Variants in MCTP2 observed in about 807,000 individuals in gnomAD.
The protein encoded by MCTP2 is multiple C2 and transmembrane domain containing 2, also known as multiple C2 and transmembrane domain-containing protein 2.
MCTP2 carries 132 observed loss-of-function variants against 111.6 expected under a neutral mutation model. The observed-to-expected ratio is 1.18, with a 90% CI of 1.03 to 1.37. MCTP2 has a LOEUF of 1.37. Ranked by LOEUF, MCTP2 falls within the 40% of genes most tolerant of loss-of-function variation. The pLI is 0.00. For missense variants in MCTP2, 1,183 were observed against 1,067.9 expected (o/e 1.11, Z -1.50); for synonymous variants, 395 against 387.7 (o/e 1.02, Z -0.22).
intron 20 of MCTP2, among the ~76,000 whole-genome samples, chr15:94,469,172 T>C (rs910038347): frequency 2.6e-5 from 4 of 152,074 alleles, no homozygotes; most frequent in African/African-American, 9.6e-5. Flanking sequence ...AAAAACATTC[T>C]ACCTTTCTGT....
chr15:94,242,261 G>A (rs2071023773), intron 1 of MCTP2, among the ~76,000 whole-genome samples: 1 of 152,066 alleles, frequency 6.6e-6, no homozygotes. Flanking sequence ...TGACATCTCT[G>A]GAACTCAGTT....
At chr15:94,422,189 A>C (rs1402847915) in intron 17 of MCTP2, among the ~76,000 whole-genome samples, 1 of 152,124 alleles carries the variant, frequency 6.6e-6, no homozygotes, top group Non-Finnish European at 1.5e-5. Flanking sequence ...GTCTGGGAGG[A>C]AGCTGTGTAC....
intron 4 of MCTP2, among the ~76,000 whole-genome samples, chr15:94,337,606 T>C (rs975327645): frequency 6.7e-6 from 1 of 149,848 alleles, no homozygotes; most frequent in African/African-American, 2.5e-5. Flanking sequence ...AGTGAGCATT[T>C]CACTGAATGG....
chr15:94,438,941 A>C (rs1440726829), intron 17 of MCTP2, among the ~76,000 whole-genome samples: 1 of 152,180 alleles, frequency 6.6e-6, no homozygotes, highest in Non-Finnish European at 1.5e-5. Flanking sequence ...CAAGCAGGAA[A>C]AAAATTACAA....
intron 1 of MCTP2, 51 bp from the exon 2 acceptor site, chr15:94,298,150 T>C (rs2075360254): frequency 2.6e-6 from 2 of 766,794 alleles, no homozygotes; most frequent in Non-Finnish European, 4.1e-6. Flanking sequence ...AGAAGGTTCA[T>C]GTTTTTTTTT....
intron 1 of MCTP2, among the ~76,000 whole-genome samples, chr15:94,297,736 T>C (rs890368823): frequency 2.0e-5 from 3 of 152,230 alleles, no homozygotes; most frequent in Non-Finnish European, 4.4e-5. Context: ...ACAGACACCA[T>C]CTGGCCCACC....
At chr15:94,435,081 T>C (rs1380214336) in intron 17 of MCTP2, among the ~76,000 whole-genome samples, 3 of 152,056 alleles carry the variant, frequency 2.0e-5, no homozygotes, top group Non-Finnish European at 4.4e-5. Flanking sequence ...CCAAGGCTGG[T>C]CCCAAACTCT....
chr15:94,235,377 C>T (rs1342169081), intron 1 of MCTP2, among the ~76,000 whole-genome samples: 6 of 152,044 alleles, frequency 3.9e-5, no homozygotes, highest in Admixed American at 6.5e-5. Context: ...CTCAGGCACC[C>T]CGCATTAGGA....
At chr15:94,295,248 C>A (rs202204195) in intron 1 of MCTP2, among the ~76,000 whole-genome samples, 43,989 of 151,920 alleles carry the variant, frequency 0.29, 6,424 homozygotes, top group African/African-American at 0.32. Context: ...CCACACCTGG[C>A]CGGGACTGGG....
chr15:94,277,678 A>T (rs966401779), intron 1 of MCTP2, among the ~76,000 whole-genome samples: 2 of 152,130 alleles, frequency 1.3e-5, no homozygotes, highest in African/African-American at 2.4e-5. Flanking sequence ...GAGGTAAGAG[A>T]GGGATGAATG....
At chr15:94,345,890 TA>T (rs2077953473) in intron 8 of MCTP2, among the ~76,000 whole-genome samples, 2 of 152,102 alleles carry the variant, frequency 1.3e-5, no homozygotes, top group Non-Finnish European at 2.9e-5. Flanking sequence ...AATGATGCAG[TA>T]TTTGAGACTG....
At chr15:94,432,317 T>C (rs2083234312) in intron 17 of MCTP2, among the ~76,000 whole-genome samples, 1 of 152,154 alleles carries the variant, frequency 6.6e-6, no homozygotes, top group South Asian at 2.1e-4. Flanking sequence ...TGATGGCAAA[T>C]ATAGAGAACA....
chr15:94,251,874 G>A (rs952577708), intron 1 of MCTP2, among the ~76,000 whole-genome samples: 1 of 152,072 alleles, frequency 6.6e-6, no homozygotes, highest in Non-Finnish European at 1.5e-5. Flanking sequence ...TCCCATAAGA[G>A]GACTCCTATA....
chr15:94,282,482 C>G (rs1424561330), intron 1 of MCTP2, among the ~76,000 whole-genome samples: 1 of 152,196 alleles, frequency 6.6e-6, no homozygotes, highest in Non-Finnish European at 1.5e-5. Context: ...TCAGCCTTCT[C>G]CTATATCTTG....
rs2152476090 is a variant in MCTP2, at chr15:94,401,982, A to G, written c.2048A>G (p.Gln683Arg). The change falls in exon 17 of 23, where the codon CAG (glutamine) becomes CGG (arginine). Residue 683 changes from glutamine to arginine, a missense_variant. By Grantham distance (43) the Gln-to-Arg change is conservative. Transcript: ENST00000357742. ...NTMQFLKSCF[Q>R]WESTLRSTIA... is the part of the protein sequence containing the mutation. ...ATGCAGTTCCTTAAAAGCTGCTTCC[A>G]GTGGGAATCCACATTAAGAAGTACA... is the stretch of plus-strand genomic sequence containing the variant. The G allele has an allele frequency of 6.2e-7, 1 of 1,613,666 alleles. No homozygotes were observed. The highest frequency in any genetic ancestry group is 1.1e-5 in the South Asian group (1 of 91,010).
chr15:94,374,873 TG>T (rs1331243759), intron 12 of MCTP2, among the ~76,000 whole-genome samples: 2 of 152,076 alleles, frequency 1.3e-5, no homozygotes, highest in African/African-American at 2.4e-5. Flanking sequence ...CCTAGCTCGG[TG>T]GGGGAGGATA....
At chr15:94,366,380 A>T (rs1001010940) in intron 10 of MCTP2, among the ~76,000 whole-genome samples, 11 of 152,208 alleles carry the variant, frequency 7.2e-5, no homozygotes, top group Admixed American at 6.5e-4. Context: ...ATGGACACAT[A>T]TTGGTATGTA....
At chr15:94,261,747 G>GT (rs1166540401) in intron 1 of MCTP2, among the ~76,000 whole-genome samples, 1 of 151,796 alleles carries the variant, frequency 6.6e-6, no homozygotes, top group Non-Finnish European at 1.5e-5. Flanking sequence ...AAAAGAAATA[G>GT]TTTTTTTCTA....
chr15:94,271,495 T>C (rs895246077), intron 1 of MCTP2, among the ~76,000 whole-genome samples: 3 of 152,154 alleles, frequency 2.0e-5, no homozygotes, highest in Non-Finnish European at 4.4e-5. Flanking sequence ...TCCTGTCTGC[T>C]TGGAGGAGGT....
Sources: gnomAD v4.1 joint callset for allele counts (sites outside exome capture counted in the v4.1 genomes callset) on GRCh38, gnomAD v4.1.1 for gene constraint, MANE v1.5 for transcripts, NCBI Gene and HGNC (gene_info 2026-07-23, HGNC 2026-07-21) for gene names.